The following DARS2 variants were observed in gnomAD, a reference collection of about 807,000 sequenced individuals.
The protein encoded by DARS2 is aspartyl-tRNA synthetase 2, mitochondrial.
A neutral mutation model predicts 83.0 loss-of-function variants in DARS2; 63 were observed. The observed-to-expected ratio is 0.76, with a 90% confidence interval of 0.62 to 0.94. DARS2 has a LOEUF of 0.94. Among genes scored for constraint, DARS2 ranks in the 40% least tolerant of loss-of-function variants. DARS2 has a pLI of 0.00. For missense variants in DARS2, 675 were observed against 774.4 expected (o/e 0.87, Z 1.52); for synonymous variants, 250 against 269.3 (o/e 0.93, Z 0.70).
intron 15 of DARS2, among the ~76,000 whole-genome samples, chr1:173,854,670 C>G (rs1475158018): frequency 6.6e-6 from 1 of 152,018 alleles, no homozygotes; most frequent in Non-Finnish European, 1.5e-5. Context: ...TTAAAAAAAC[C>G]ATGCAGCTTG....
rs758349047 is a variant in DARS2 at position 173,839,447 on chromosome 1, T to A, written c.921T>A (p.Asn307Lys). ...GTTTGCTCCAGTATTCCTGGCCCAA[T>A]GACAAAGATCCTGTGGTTGTTCCTT... ...IEGLLQYSWPNDKDPVVVPFP... is the reference protein window; with the variant it reads ...IEGLLQYSWPKDKDPVVVPFP... Residue 307 changes from asparagine (N) to lysine (K), a missense_variant, in exon 10 of 17, where the codon AAT (asparagine) becomes AAA (lysine). Asn to Lys is a moderately conservative substitution (Grantham distance 94). Coordinates refer to ENST00000649689, the MANE Select transcript of DARS2 (RefSeq NM_018122.5). 2.5e-6 allele frequency: 4 copies of A among 1,614,180 alleles called. No individual in the cohort carries two copies. The highest frequency in any genetic ancestry group is 3.4e-6 in the Non-Finnish European group (4 of 1,180,012).
chr1:173,850,423 A>C lies in DARS2; in HGVS notation c.1288A>C (p.Met430Leu). 6.2e-7 allele frequency: 1 copy of C among 1,614,046 alleles called. No individual in the cohort carries two copies. The highest frequency in any genetic ancestry group is 8.5e-7 in the Non-Finnish European group (1 of 1,179,960). Residue 430 changes from methionine to leucine, a missense_variant, in exon 13 of 17, where the codon ATG becomes CTG. Coordinates refer to ENST00000649689, the MANE Select transcript of DARS2 (RefSeq NM_018122.5). ...ESQRLELIRL[M>L]ETQEEDVVLL... is the part of the protein sequence containing the mutation. ...ACAAAGACTGGAATTAATCAGACTAATGGAGACCCAAGAGGAAGATGTGGT... is the reference window on the plus strand; with the variant it reads ...ACAAAGACTGGAATTAATCAGACTACTGGAGACCCAAGAGGAAGATGTGGT...
At chr1:173,838,128 G>T (rs1438437041) in intron 8 of DARS2, 62 bp from the exon 9 acceptor site, 1 of 1,347,888 alleles carries the variant, frequency 7.4e-7, no homozygotes, top group Admixed American at 1.7e-5. Context: ...TTAAACTTTT[G>T]GGGAAAAGTG....
chr1:173,834,787 T>G (rs1403636511), intron 7 of DARS2, among the ~76,000 whole-genome samples: 5 of 135,994 alleles, frequency 3.7e-5, no homozygotes, highest in South Asian at 2.4e-4. Flanking sequence ...TTTTTGTTTT[T>G]TTTTTTTTTT....
chr1:173,856,594 ATCT>A, intron 15 of DARS2, 69 bp from the exon 16 acceptor site: 1 of 1,360,612 alleles, frequency 7.3e-7, no homozygotes, highest in South Asian at 1.2e-5. Context: ...CCCCTTTATC[ATCT>A]AAGCCTAGAT....
chr1:173,830,781 T>C lies in DARS2; in HGVS notation c.396+20T>C, dbSNP rs763988518. On this transcript the variant is annotated intron_variant, in intron 4 of 16. Transcript: ENST00000649689. ...AATCCAGTAGGTAGTTTCGAAGATA[T>C]CTGTGTAATTTTTGCTTGTATGCAT... 5.6e-6 allele frequency: 9 copies of C among 1,603,526 alleles called. No individual in the cohort carries two copies. The highest frequency in any genetic ancestry group is 1.1e-5 in the South Asian group (1 of 90,894).
At position 173,850,491 on chromosome 1, in the gene DARS2, T is replaced by G. The variant is rs1412613272; in HGVS notation, c.1344+12T>G. ...AGCACAATAAAGCAGTAAGAAAAAT[T>G]ACTTCCAAGCATCAGTGCTGTTGAT... On this transcript the variant is annotated intron_variant, in intron 13 of 16. Coordinates refer to ENST00000649689, the MANE Select transcript of DARS2 (RefSeq NM_018122.5). The G allele has an allele frequency of 6.2e-7, 1 of 1,612,926 alleles. No homozygotes were observed. Among genetic ancestry groups the G allele is most frequent in the Non-Finnish European group, 8.5e-7 (1 of 1,179,428 alleles).
At chr1:173,836,817 G>T in intron 7 of DARS2, 123 bp from the exon 8 acceptor site, 1 of 819,886 alleles carries the variant, frequency 1.2e-6, no homozygotes. Flanking sequence ...GTCATTGTAG[G>T]AACTTTGTTC....
At position 173,834,484 on chromosome 1, in the gene DARS2, A is replaced by G; in HGVS notation, c.628A>G (p.Ile210Val). Residue 210 changes from isoleucine to valine, a missense_variant, in exon 7 of 17, where the codon ATA (isoleucine) becomes GTA (valine). Transcript: ENST00000649689. ...TTCTCTCTTTTTAGGGTTTGTGGAT[A>G]TAGAAACCCCCACATTGTTTAAGAG... The part of the protein sequence containing the change: ...YLCNLHGFVD[I>V]ETPTLFKRTP... The G allele has an allele frequency of 6.2e-7, 1 of 1,607,838 alleles. No individual in the cohort carries two copies. The highest frequency in any genetic ancestry group is 8.5e-7 in the Non-Finnish European group (1 of 1,174,592).
intron 12 of DARS2, among the ~76,000 whole-genome samples, chr1:173,846,876 A>G (rs1463432341): frequency 6.6e-6 from 1 of 152,224 alleles, no homozygotes; most frequent in Non-Finnish European, 1.5e-5. Flanking sequence ...TGCTATAATC[A>G]AAGGAATTAA....
intron 8 of DARS2, among the ~76,000 whole-genome samples, chr1:173,837,486 G>A (rs1450381314): frequency 6.6e-6 from 1 of 152,180 alleles, no homozygotes; most frequent in African/African-American, 2.4e-5. Context: ...ATTTCAGCAG[G>A]TGAAGATGAG....
chr1:173,851,818 T>C (rs1180127563), intron 13 of DARS2: 1 of 985,032 alleles, frequency 1.0e-6, no homozygotes, highest in East Asian at 1.1e-4. Flanking sequence ...TTTTCATTTG[T>C]CATTGTTTCT....
chr1:173,829,229 G>GTC lies in DARS2; in HGVS notation c.294+831_294+832insCT, dbSNP rs571735666. ...AGTGTGTGTGTGTGTGTGTGTGTGT[G>GTC]TATTTGCTTGTATATATGTTAGGAA... On this transcript the variant is annotated intron_variant, in intron 3 of 16. Coordinates refer to ENST00000649689, the MANE Select transcript of DARS2 (RefSeq NM_018122.5). Among the ~76,000 whole-genome samples the GTC allele has an allele frequency of 1.2e-3, 176 of 151,708 alleles. 13 individuals are homozygous for GTC. The highest frequency in any genetic ancestry group is 3.6e-3 in the African/African-American group (148 of 41,304).
At chr1:173,833,323 A>T (rs1300101788) in intron 5 of DARS2, 53 bp from the exon 6 acceptor site, 1 of 1,474,186 alleles carries the variant, frequency 6.8e-7, no homozygotes, top group Non-Finnish European at 9.1e-7. Context: ...TAAAGATAAT[A>T]CCTTTCTAAT....
rs1393764473 is a variant in DARS2 at position 173,839,398 on chromosome 1, C to A, written c.872C>A (p.Thr291Asn). 2.4e-5 allele frequency: 39 copies of A among 1,614,068 alleles called. No homozygotes were observed. Among genetic ancestry groups the A allele is most frequent in the Non-Finnish European group, 3.3e-5 (39 of 1,180,040 alleles). Residue 291 changes from threonine to asparagine, a missense_variant, in exon 10 of 17, where the codon ACT (threonine) becomes AAT (asparagine). Thr to Asn is a moderately conservative substitution (Grantham distance 65). Coordinates refer to ENST00000649689, the MANE Select transcript of DARS2 (RefSeq NM_018122.5). ...ATAGAGATGTCATTTGTAGACCAGACTGGGATCCAGAGTTTAATTGAGGGT... is the reference window on the plus strand; with the variant it reads ...ATAGAGATGTCATTTGTAGACCAGAATGGGATCCAGAGTTTAATTGAGGGT... ...IDIEMSFVDQ[T>N]GIQSLIEGLL...
Position 173,834,529 on chromosome 1 carries a change from T to G in DARS2, c.663+10T>G, listed in dbSNP as rs1652905100. The G allele has an allele frequency of 6.3e-7, 1 of 1,592,744 alleles. No homozygotes were observed. Among genetic ancestry groups the G allele is most frequent in the Non-Finnish European group, 8.6e-7 (1 of 1,160,842 alleles). On this transcript the variant is annotated intron_variant, in intron 7 of 16. Transcript: ENST00000649689. The stretch of plus-strand genomic sequence containing the variant: ...TAAGAGGACCCCAGGGGTATGTATA[T>G]TCCTTCAATCAGTCTATTAATAATG...
chr1:173,855,783 G>T (rs1178183717), intron 15 of DARS2, among the ~76,000 whole-genome samples: 1 of 151,694 alleles, frequency 6.6e-6, no homozygotes, highest in Non-Finnish European at 1.5e-5. Flanking sequence ...CTCCCGAGTG[G>T]CTGGGACCAC....
chr1:173,849,154 C>CT (rs75129689), intron 12 of DARS2, among the ~76,000 whole-genome samples: 43,988 of 133,630 alleles, frequency 0.33, 7,830 homozygotes, highest in African/African-American at 0.5. Flanking sequence ...TTATCTTGGT[C>CT]TTTTTTTTTT....
At chr1:173,847,068 C>G (rs1653462766) in intron 12 of DARS2, among the ~76,000 whole-genome samples, 1 of 151,980 alleles carries the variant, frequency 6.6e-6, no homozygotes, top group Non-Finnish European at 1.5e-5. Flanking sequence ...TTTCCCAAGC[C>G]TCATACCTCA....
Sources: gnomAD v4.1 joint callset for allele counts (sites outside exome capture counted in the v4.1 genomes callset) on GRCh38, gnomAD v4.1.1 for gene constraint, MANE v1.5 for transcripts, NCBI Gene and HGNC (gene_info 2026-07-23, HGNC 2026-07-21) for gene names.